The following HHLA2 variants were observed in gnomAD, a reference collection of about 807,000 sequenced individuals.
HHLA2 encodes the protein HERV-H LTR-associating protein 2.
A neutral mutation model predicts 45.9 loss-of-function variants in HHLA2; 48 were observed. The observed-to-expected ratio is 1.05, with a 90% confidence interval of 0.83 to 1.33. The LOEUF is 1.33. HHLA2 is among the 40% of genes most tolerant of loss of function. The pLI is 0.00. For synonymous variants in HHLA2, 161 were observed against 173.9 expected (o/e 0.93, Z 0.59); for missense variants, 462 against 494.3 (o/e 0.93, Z 0.62).
At chr3:108,352,857 T>C (rs1327501153) in intron 4 of HHLA2, among the ~76,000 whole-genome samples, 2 of 152,216 alleles carry the variant, frequency 1.3e-5, no homozygotes, top group Non-Finnish European at 2.9e-5. Flanking sequence ...AGCAAATGAA[T>C]GACTCTCTTT....
intron 1 of HHLA2, among the ~76,000 whole-genome samples, chr3:108,305,763 GGAAATC>G (rs1382262402): frequency 1.3e-5 from 2 of 152,290 alleles, no homozygotes; most frequent in Non-Finnish European, 2.9e-5. Context: ...TTTGAGCCAA[GGAAATC>G]TGAGGCACAC....
At chr3:108,353,815 T>C in intron 5 of HHLA2, 35 bp downstream of exon 4, 2 of 1,480,088 alleles carry the variant, frequency 1.4e-6, no homozygotes, top group Non-Finnish European at 1.9e-6. Flanking sequence ...GAAACAGCAA[T>C]GACATCATTC....
chr3:108,323,203 A>G (rs1158362360), intron 2 of HHLA2, among the ~76,000 whole-genome samples: 1 of 152,094 alleles, frequency 6.6e-6, no homozygotes, highest in Non-Finnish European at 1.5e-5. Context: ...AAGACCTACT[A>G]TTTGGTAACA....
intron 2 of HHLA2, among the ~76,000 whole-genome samples, chr3:108,322,083 T>C (rs969457208): frequency 6.6e-6 from 1 of 152,212 alleles, no homozygotes; most frequent in Non-Finnish European, 1.5e-5. Flanking sequence ...GAGGTTGGTT[T>C]CATTTATTTC....
chr3:108,326,375 A>G (rs1038328763), intron 2 of HHLA2: 2 of 154,178 alleles, frequency 1.3e-5, no homozygotes, highest in Non-Finnish European at 2.9e-5. Context: ...CTTACATGGC[A>G]GCAAGCAAAG....
chr3:108,369,363 C>T (rs544757309), intron 8 of HHLA2, among the ~76,000 whole-genome samples: 9 of 152,224 alleles, frequency 5.9e-5, no homozygotes, highest in South Asian at 4.2e-4. Context: ...GGAACAGCTC[C>T]GGTCTACAGC....
At chr3:108,370,060 C>A (rs1269168093) in intron 8 of HHLA2, among the ~76,000 whole-genome samples, 1 of 152,234 alleles carries the variant, frequency 6.6e-6, no homozygotes, top group Non-Finnish European at 1.5e-5. Flanking sequence ...GGGGGAACCC[C>A]CAGTAGGGGC....
At chr3:108,357,382 A>G (rs2081912191) in intron 6 of HHLA2, among the ~76,000 whole-genome samples, 2 of 152,198 alleles carry the variant, frequency 1.3e-5, no homozygotes, top group African/African-American at 2.4e-5. Flanking sequence ...TATGAAGAAA[A>G]AGAGATTTTG....
At chr3:108,340,078 G>A (rs1277871897) in intron 3 of HHLA2, among the ~76,000 whole-genome samples, 6 of 152,164 alleles carry the variant, frequency 3.9e-5, no homozygotes, top group African/African-American at 1.2e-4. Context: ...TACTCAGTGT[G>A]TGGGAGCCTG....
chr3:108,370,376 A>G (rs1252755629), intron 8 of HHLA2, among the ~76,000 whole-genome samples: 1 of 152,102 alleles, frequency 6.6e-6, no homozygotes, highest in Non-Finnish European at 1.5e-5. Flanking sequence ...AAAGATGGGG[A>G]AAAAACAGAG....
At chr3:108,318,887 C>T (rs1040749514) in intron 2 of HHLA2, among the ~76,000 whole-genome samples, 13 of 152,228 alleles carry the variant, frequency 8.5e-5, no homozygotes, top group Non-Finnish European at 1.5e-5. Context: ...ATCTTTGTCT[C>T]TTTGTCAACA....
intron 2 of HHLA2, chr3:108,326,061 T>C (rs2081283763): frequency 3.4e-6 from 1 of 298,114 alleles, no homozygotes; most frequent in South Asian, 4.1e-5. Flanking sequence ...TCAGTCACTT[T>C]AATTTTCCAT....
chr3:108,298,515 A>G (rs374741502), intron 1 of HHLA2, among the ~76,000 whole-genome samples: 7 of 152,194 alleles, frequency 4.6e-5, no homozygotes, highest in East Asian at 1.9e-4. Context: ...TTACTGCACC[A>G]TCTTCAGTAA....
exon 7 of HHLA2, chr3:108,358,118 T>C: frequency 8.1e-6 from 13 of 1,613,132 alleles, no homozygotes; most frequent in Non-Finnish European, 1.1e-5. Context: ...GCAATATTTC[T>C]TCGGATGAAT....
At chr3:108,323,427 A>G (rs918414916) in intron 2 of HHLA2, among the ~76,000 whole-genome samples, 4 of 152,180 alleles carry the variant, frequency 2.6e-5, no homozygotes, top group Non-Finnish European at 4.4e-5. Flanking sequence ...AATTTAAAAA[A>G]TTTGAAAAGA....
In HHLA2 at chr3:108,351,651, T is replaced by C. The variant is rs566750243; in HGVS notation, c.-26-137T>C. On this transcript the variant is annotated intron_variant, in intron 3 of 10. Coordinates refer to ENST00000619531, the Ensembl canonical transcript of HHLA2. ...TCCGATAACCTATTAAGAAATTCCT[T>C]CCATGCCATTGAACCATCCTTTACA... The C allele has an allele frequency of 4.4e-4, 232 of 532,220 alleles. 1 individual carries two copies. The highest frequency in any genetic ancestry group is 4.2e-3 in the African/African-American group (218 of 51,548). The allele number at this position is 532,220 out of a possible 1,614,324, so 33.0% of individuals were successfully genotyped here. A position where few individuals can be genotyped will look rare whatever the true frequency, so the allele number is the denominator to read the frequency against.
chr3:108,302,565 A>G (rs1052579240), intron 1 of HHLA2: 1 of 152,218 alleles, frequency 6.6e-6, no homozygotes. Flanking sequence ...AGTTGGGAAC[A>G]CTTCATTTTC....
intron 3 of HHLA2, among the ~76,000 whole-genome samples, chr3:108,337,395 G>A (rs2081492064): frequency 6.6e-6 from 1 of 152,158 alleles, no homozygotes; most frequent in Admixed American, 6.6e-5. Context: ...ACTCCCAGAT[G>A]CAGCAGCTGT....
intron 3 of HHLA2, among the ~76,000 whole-genome samples, chr3:108,346,678 A>G (rs1024199737): frequency 3.3e-5 from 5 of 152,350 alleles, no homozygotes; most frequent in African/African-American, 1.2e-4. Flanking sequence ...GACAGATAAC[A>G]TTATATGTTT....
Sources: allele counts gnomAD v4.1 joint callset (sites outside exome capture counted in the v4.1 genomes callset), GRCh38; gene constraint gnomAD v4.1.1; transcripts MANE v1.5; gene names NCBI Gene and HGNC (gene_info 2026-07-23, HGNC 2026-07-21).